The following CNTN1 variants were observed in gnomAD, a reference collection of about 807,000 sequenced individuals.
The protein encoded by CNTN1 is contactin-1.
A neutral mutation model predicts 126.4 loss-of-function variants in CNTN1; 38 were observed. That is an observed-to-expected ratio of 0.30 (90% confidence interval 0.23 to 0.39). The LOEUF (loss-of-function observed/expected upper bound fraction) is 0.39, where lower values mean the gene tolerates loss of function less well. Among genes scored for constraint, CNTN1 ranks in the 10% least tolerant of loss-of-function variants. CNTN1 has a pLI of 1.00. For synonymous variants in CNTN1, 413 were observed against 422.6 expected (o/e 0.98, Z 0.28); for missense variants, 1,009 against 1,248.4 (o/e 0.81, Z 2.89).
At chr12:41,067,611 C>T (rs1950073003) in intron 23 of CNTN1, among the ~76,000 whole-genome samples, 1 of 72,720 alleles carries the variant, frequency 1.4e-5, no homozygotes, top group Admixed American at 2.2e-4. Flanking sequence ...ACTCTGGGGA[C>T]TGTGGTGGGG....
intron 22 of CNTN1, 144 bp from the exon 23 acceptor site, chr12:41,028,919 G>T: frequency 2.4e-6 from 2 of 819,344 alleles, no homozygotes; most frequent in Admixed American, 4.9e-5. Context: ...TTTTCATCTA[G>T]TTTTAAATTT....
intron 1 of CNTN1, among the ~76,000 whole-genome samples, chr12:40,768,473 A>G (rs993608096): frequency 6.6e-6 from 1 of 152,356 alleles, no homozygotes; most frequent in African/African-American, 2.4e-5. Flanking sequence ...GACGTGATCC[A>G]TCTTTTCCTA....
At chr12:40,973,515 C>T (rs1470210) in intron 15 of CNTN1, among the ~76,000 whole-genome samples, 99,766 of 151,954 alleles carry the variant, frequency 0.66, 32,876 homozygotes, top group Middle Eastern at 0.69. Context: ...AAAGTTTTCA[C>T]TGAAATTTGT....
At chr12:40,806,458 G>T (rs923750518) in intron 1 of CNTN1, among the ~76,000 whole-genome samples, 4 of 152,098 alleles carry the variant, frequency 2.6e-5, no homozygotes, top group Admixed American at 6.6e-5. Context: ...ATGTCATAAA[G>T]TGTTTCTTTT....
intron 15 of CNTN1, among the ~76,000 whole-genome samples, chr12:40,965,835 A>G (rs1947286735): frequency 6.6e-6 from 1 of 152,178 alleles, no homozygotes; most frequent in African/African-American, 2.4e-5. Flanking sequence ...ATATGGCTTT[A>G]TGTTTGAAAT....
chr12:40,710,156 C>T (rs1326596886), intron 1 of CNTN1, among the ~76,000 whole-genome samples: 2 of 152,046 alleles, frequency 1.3e-5, no homozygotes, highest in Non-Finnish European at 2.9e-5. Context: ...TCAGAGGAAT[C>T]ACTATGGCAG....
intron 1 of CNTN1, among the ~76,000 whole-genome samples, chr12:40,906,677 TTGTTTTG>T (rs1283504899): frequency 7.4e-6 from 1 of 134,782 alleles, no homozygotes; most frequent in East Asian, 2.1e-4. Context: ...TGCTTTTTTT[TTGTTTTG>T]TTTTTTTTGA....
intron 17 of CNTN1, among the ~76,000 whole-genome samples, chr12:41,001,783 CTT>C (rs1948366441): frequency 6.6e-6 from 1 of 152,148 alleles, no homozygotes; most frequent in African/African-American, 2.4e-5. Context: ...TTCAATTCAT[CTT>C]GAGTTCATTT....
At chr12:40,865,548 T>C (rs1345961095) in intron 1 of CNTN1, among the ~76,000 whole-genome samples, 2 of 151,680 alleles carry the variant, frequency 1.3e-5, no homozygotes, top group Admixed American at 6.6e-5. Context: ...TCCAAACTTA[T>C]TTTTTTTGTA....
chr12:41,007,262 G>A (rs552058352), intron 17 of CNTN1, among the ~76,000 whole-genome samples: 24 of 151,648 alleles, frequency 1.6e-4, no homozygotes, highest in South Asian at 4.2e-4. Flanking sequence ...GGGTTTCACC[G>A]TTTTAGCCGG....
In CNTN1 at chr12:40,924,630, T is replaced by G; in HGVS notation, c.474T>G (p.Cys158Trp). ...VKEGKGMVLLCDPPYHFPDDL... is the reference protein window; with the variant it reads ...VKEGKGMVLLWDPPYHFPDDL... ...AAGGGAAAGGAATGGTGCTTCTCTG[T>G]GACCCCCCATACCATTTTCCAGGTA... The change falls in exon 6 of 24, where the codon TGT becomes TGG. Residue 158 changes from cysteine to tryptophan, a missense_variant. Cys to Trp is a radical substitution (Grantham distance 215). Transcript: ENST00000551295. 1 of 1,599,002 alleles carries G rather than the reference T, an allele frequency of 6.3e-7. No individual in the cohort carries two copies. The highest frequency in any genetic ancestry group is 8.6e-7 in the Non-Finnish European group (1 of 1,166,656).
At chr12:40,937,454 C>A in intron 10 of CNTN1, 116 bp from the exon 11 acceptor site, 1 of 742,412 alleles carries the variant, frequency 1.3e-6, no homozygotes, top group Non-Finnish European at 2.4e-6. Context: ...TCTTAGGTAA[C>A]AGTGGGGGCA....
At chr12:40,726,096 G>C (rs986142469) in intron 1 of CNTN1, among the ~76,000 whole-genome samples, 1 of 152,028 alleles carries the variant, frequency 6.6e-6, no homozygotes, top group Non-Finnish European at 1.5e-5. Flanking sequence ...TTAATGACTA[G>C]GGAGGGGGAA....
intron 20 of CNTN1, among the ~76,000 whole-genome samples, chr12:41,021,422 T>C (rs538387982): frequency 6.7e-6 from 1 of 150,254 alleles, no homozygotes; most frequent in South Asian, 2.2e-4. Flanking sequence ...ATTAGCCCCA[T>C]GAGGGCAGGG....
At chr12:40,891,488 G>C (rs1592213551) in intron 1 of CNTN1, among the ~76,000 whole-genome samples, 1 of 152,038 alleles carries the variant, frequency 6.6e-6, no homozygotes, top group South Asian at 2.1e-4. Flanking sequence ...TTTCTCCTAG[G>C]TTACCTTGTA....
chr12:40,948,125 G>C (rs993306222), intron 14 of CNTN1, among the ~76,000 whole-genome samples: 1 of 151,916 alleles, frequency 6.6e-6, no homozygotes, highest in Non-Finnish European at 1.5e-5. Flanking sequence ...TGCATATAGA[G>C]ACTTGGCACA....
At chr12:40,958,682 A>T (rs1036507115) in intron 14 of CNTN1, among the ~76,000 whole-genome samples, 7 of 152,070 alleles carry the variant, frequency 4.6e-5, no homozygotes, top group African/African-American at 1.7e-4. Context: ...GAACTGTGGC[A>T]CATATTAAAA....
At chr12:40,734,313 G>A (rs1942566596) in intron 1 of CNTN1, among the ~76,000 whole-genome samples, 1 of 152,090 alleles carries the variant, frequency 6.6e-6, no homozygotes, top group Non-Finnish European at 1.5e-5. Context: ...ATGTTGACTT[G>A]AGGGTTCCAC....
At position 40,933,827 on chromosome 12, in the gene CNTN1, G is replaced by A. The variant is rs1283999392; in HGVS notation, c.934G>A (p.Ala312Thr). Residue 312 changes from alanine (A) to threonine (T), a missense_variant, in exon 9 of 24, where the codon GCT (alanine) becomes ACT (threonine). Transcript: ENST00000551295. ...LEDEGIYECE[A>T]ENIRGKDKHQ... is the part of the protein sequence containing the mutation. ...AGATGAAGGCATCTATGAATGTGAG[G>A]CTGAGAACATTAGAGGAAAGGATAA... The A allele has an allele frequency of 6.2e-7, 1 of 1,612,566 alleles. No individual in the cohort carries two copies. Among genetic ancestry groups the A allele is most frequent in the Non-Finnish European group, 8.5e-7 (1 of 1,178,978 alleles).
Sources: allele counts gnomAD v4.1 joint callset (sites outside exome capture counted in the v4.1 genomes callset), GRCh38; gene constraint gnomAD v4.1.1; transcripts MANE v1.5; gene names NCBI Gene and HGNC (gene_info 2026-07-23, HGNC 2026-07-21).